The following ANKRD52 variants were observed in gnomAD, a reference collection of about 807,000 sequenced individuals.
The protein encoded by ANKRD52 is ankyrin repeat domain 52.
In ANKRD52, 7 loss-of-function variants were observed where a neutral mutation model predicts 116.0. The ratio of observed to expected loss-of-function variants is 0.06; its 90% CI spans 0.03 to 0.11. The LOEUF is 0.11. Among genes scored for constraint, ANKRD52 ranks in the 10% least tolerant of loss-of-function variants. ANKRD52 has a pLI of 1.00. For synonymous variants in ANKRD52, 528 were observed against 578.1 expected (o/e 0.91, Z 1.24); for missense variants, 839 against 1,408.6 (o/e 0.60, Z 6.47).
At chr12:56,251,202 A>G (rs1871675861) in intron 15 of ANKRD52, among the ~76,000 whole-genome samples, 1 of 151,870 alleles carries the variant, frequency 6.6e-6, no homozygotes. Flanking sequence ...CGGCCTCCCA[A>G]AGTGCTGGGA....
At chr12:56,251,305 C>T (rs1043586598) in intron 15 of ANKRD52, among the ~76,000 whole-genome samples, 3 of 145,812 alleles carry the variant, frequency 2.1e-5, no homozygotes, top group African/African-American at 5.1e-5. Context: ...AGTGCAGTGG[C>T]GTGATCTCGG....
rs192913034 is a variant in ANKRD52 at position 56,250,728 on chromosome 12, A to G, written c.1592+1287T>C. 3.8e-4 allele frequency among the ~76,000 whole-genome samples: 56 copies of G among 149,246 alleles called. No individual in the cohort carries two copies. In the East Asian group the frequency reaches 0.011, roughly 29 times the overall value. The stretch of plus-strand genomic sequence containing the variant: ...GAGAGATCCCTGACCTACAAAATAA[A>G]TTAATTAAAAAAAAAAAAAAAGAAA... On this transcript the variant is annotated intron_variant, in intron 15 of 27. Coordinates refer to ENST00000267116, the MANE Select transcript of ANKRD52 (RefSeq NM_173595.4).
At chr12:56,257,474 T>G in intron 2 of ANKRD52, 113 bp from the exon 3 acceptor site, 1 of 989,022 alleles carries the variant, frequency 1.0e-6, no homozygotes, top group Non-Finnish European at 1.5e-6. Flanking sequence ...TCCCATAGTT[T>G]CTGCAGCGTC....
In ANKRD52 at chr12:56,255,663, G is replaced by GT. The variant is rs550933117; in HGVS notation, c.462+120dup. The GT allele has an allele frequency of 5.0e-3, 4,406 of 880,792 alleles. 201 individuals are homozygous for GT. The South Asian group carries it at 0.074, about 15-fold the overall frequency. 54.6% of individuals were successfully genotyped at this position (880,792 alleles called of 1,614,324 possible). A position where few individuals can be genotyped will look rare whatever the true frequency, so the allele number is the denominator to read the frequency against. On this transcript the variant is annotated intron_variant, in intron 5 of 27. Transcript: ENST00000267116. The surrounding 1 kb of genome is among the most constrained non-coding windows in gnomAD (Gnocchi z 4.3). Reference sequence around the variant, plus strand: ...ATTCATTTAGTGCTTCAGCTTAAGTGTTTATATAACCATCCGGGCTGCTTC... The same window carrying GT: ...ATTCATTTAGTGCTTCAGCTTAAGTGTTTTATATAACCATCCGGGCTGCTTC...
chr12:56,248,669 C>T lies in ANKRD52; in HGVS notation c.1704+90G>A. On this transcript the variant is annotated intron_variant, in intron 16 of 27. Transcript: ENST00000267116. The surrounding 1 kb of genome is among the most constrained non-coding windows in gnomAD (Gnocchi z 5.1). The stretch of plus-strand genomic sequence containing the variant: ...CCCACTAAGCCTCTGGATCCAAAGA[C>T]CACATTTGATTGAACCCTTAGTTTT... 6.7e-7 allele frequency: 1 copy of T among 1,487,820 alleles called. No homozygotes were observed. Among genetic ancestry groups the T allele is most frequent in the South Asian group, 1.2e-5 (1 of 83,264 alleles). 92.2% of individuals were successfully genotyped at this position (1,487,820 alleles called of 1,614,324 possible). A position where few individuals can be genotyped will look rare whatever the true frequency, so the allele number is the denominator to read the frequency against.
Position 56,244,509 on chromosome 12 carries a change from T to C in ANKRD52, c.2723-74A>G. 1.3e-6 allele frequency: 2 copies of C among 1,597,540 alleles called. No homozygotes were observed. The highest frequency in any genetic ancestry group is 1.7e-6 in the Non-Finnish European group (2 of 1,168,034). ...AGCCATCCTGGCTCTCCACTTTGCATCCCGTCTGCAGATGGCGAGACATCC... is the reference window on the plus strand; with the variant it reads ...AGCCATCCTGGCTCTCCACTTTGCACCCCGTCTGCAGATGGCGAGACATCC... On this transcript the variant is annotated intron_variant, in intron 24 of 27. Transcript: ENST00000267116. The surrounding 1 kb of genome is among the most constrained non-coding windows in gnomAD (Gnocchi z 4.9).
chr12:56,254,777 C>A lies in ANKRD52; in HGVS notation c.551-57G>T. ...AGAAGGTAAACTCTAAGACCCTACA[C>A]TCCTCTCTTCAAAGGCTGCAACCCC... On this transcript the variant is annotated intron_variant, in intron 6 of 27. Transcript: ENST00000267116. The surrounding 1 kb of genome is among the most constrained non-coding windows in gnomAD (Gnocchi z 4.6). 6.3e-7 allele frequency: 1 copy of A among 1,599,344 alleles called. No homozygotes were observed.
Position 56,248,653 on chromosome 12 carries a change from C to G in ANKRD52, c.1705-87G>C. ...CCGACTCGCAGTAATCCCCACTAAG[C>G]CTCTGGATCCAAAGACCACATTTGA... On this transcript the variant is annotated intron_variant, in intron 16 of 27. Coordinates refer to ENST00000267116, the MANE Select transcript of ANKRD52 (RefSeq NM_173595.4). The surrounding 1 kb of genome is among the most constrained non-coding windows in gnomAD (Gnocchi z 5.1). 6.7e-7 allele frequency: 1 copy of G among 1,487,990 alleles called. No individual in the cohort carries two copies. Among genetic ancestry groups the G allele is most frequent in the Non-Finnish European group, 9.2e-7 (1 of 1,087,972 alleles). The allele number at this position is 1,487,990 out of a possible 1,614,324, so 92.2% of individuals were successfully genotyped here.
In ANKRD52 at chr12:56,244,677, A is replaced by G; in HGVS notation, c.2697T>C (p.Ala899=). ...CCACAGCAGCGGTCTGCCCGTTCTC[A>G]GCCGCCGTCATGAGCGCAGTGCGGC... is the stretch of plus-strand genomic sequence containing the variant. ...HTGRTALMTA[A]ENGQTAAVEF... Residue 899 remains alanine (A), a synonymous_variant, in exon 24 of 28, where the codon GCT becomes GCC. Transcript: ENST00000267116. The surrounding 1 kb of genome is among the most constrained non-coding windows in gnomAD (Gnocchi z 4.9). The G allele has an allele frequency of 6.2e-7, 1 of 1,613,922 alleles. No individual in the cohort carries two copies. Among genetic ancestry groups the G allele is most frequent in the South Asian group, 1.1e-5 (1 of 91,088 alleles).
chr12:56,256,983 T>C, intron 4 of ANKRD52, 32 bp downstream of exon 4: 1 of 1,597,196 alleles, frequency 6.3e-7, no homozygotes, highest in South Asian at 1.1e-5. Flanking sequence ...CTTATCCTTT[T>C]TGAAAGGGTA....
At chr12:56,247,371 GA>G in intron 20 of ANKRD52, 121 bp downstream of exon 20, 1 of 655,710 alleles carries the variant, frequency 1.5e-6, no homozygotes, top group Non-Finnish European at 2.5e-6. Context: ...AAAAGAAAAA[GA>G]AAAAAGACGG....
In ANKRD52 at chr12:56,255,483, C is replaced by T. The variant is rs1376685445; in HGVS notation, c.462+301G>A. The stretch of plus-strand genomic sequence containing the variant: ...GGGATTACAGGCGTGAGCCGCCGTG[C>T]CCGGCCGGTTCTTAAACTCTTGTAA... On this transcript the variant is annotated intron_variant, in intron 5 of 27. Transcript: ENST00000267116. This position sits in a 1 kb window ranked among gnomAD's most constrained non-coding sequence, Gnocchi z 4.3. 1.3e-5 allele frequency among the ~76,000 whole-genome samples: 2 copies of T among 152,254 alleles called. No individual in the cohort carries two copies. Among genetic ancestry groups the T allele is most frequent in the Non-Finnish European group, 2.9e-5 (2 of 68,042 alleles).
chr12:56,244,001 A>T lies in ANKRD52; in HGVS notation c.2888+50T>A. On this transcript the variant is annotated intron_variant, in intron 26 of 27. Coordinates refer to ENST00000267116, the MANE Select transcript of ANKRD52 (RefSeq NM_173595.4). This position sits in a 1 kb window ranked among gnomAD's most constrained non-coding sequence, Gnocchi z 4.9. ...GCCTCTGAACAGCGGCCACTCTTTC[A>T]TCACCCACTGGCCTCCCCCAGCCAG... 1 of 1,609,136 alleles carries T rather than the reference A, an allele frequency of 6.2e-7. No individual in the cohort carries two copies.
Position 56,254,142 on chromosome 12 carries a change from A to G in ANKRD52, c.831T>C (p.His277=). Residue 277 remains histidine, a synonymous_variant, in exon 8 of 28, where the codon CAT becomes CAC. Coordinates refer to ENST00000267116, the MANE Select transcript of ANKRD52 (RefSeq NM_173595.4). The surrounding 1 kb of genome is among the most constrained non-coding windows in gnomAD (Gnocchi z 4.6). ...CGCCATTGGTGGAGACTGCAGCCACATGCAGTGGCGTGAAGCCCTTGTCAT... is the reference window on the plus strand; with the variant it reads ...CGCCATTGGTGGAGACTGCAGCCACGTGCAGTGGCGTGAAGCCCTTGTCAT... ...QPNDKGFTPL[H]VAAVSTNGAL... is the part of the protein sequence containing the mutation. 6.2e-7 allele frequency: 1 copy of G among 1,613,886 alleles called. No individual in the cohort carries two copies. Among genetic ancestry groups the G allele is most frequent in the Non-Finnish European group, 8.5e-7 (1 of 1,179,830 alleles).
At chr12:56,257,138 G>T (rs1005339373) in intron 3 of ANKRD52, 53 bp from the exon 4 acceptor site, 10 of 1,587,094 alleles carry the variant, frequency 6.3e-6, no homozygotes, top group African/African-American at 2.7e-5. Flanking sequence ...AGGTATGAAG[G>T]AAGCCAGTAA....
rs766458362 is a variant in ANKRD52, at chr12:56,252,364, G to A, written c.1371-49C>T. ...GGGGAAGAGAATCAGAGACAGATAC[G>A]AATGCAATCAGATGTGCAGCCAAAT... is the stretch of plus-strand genomic sequence containing the variant. On this transcript the variant is annotated intron_variant, in intron 13 of 27. Coordinates refer to ENST00000267116, the MANE Select transcript of ANKRD52 (RefSeq NM_173595.4). This position sits in a 1 kb window ranked among gnomAD's most constrained non-coding sequence, Gnocchi z 4.7. The A allele has an allele frequency of 4.4e-6, 7 of 1,608,982 alleles. No homozygotes were observed. The highest frequency in any genetic ancestry group is 2.2e-5 in the East Asian group (1 of 44,836).
At position 56,245,007 on chromosome 12, in the gene ANKRD52, A is replaced by T. The variant is rs1433474806; in HGVS notation, c.2493-18T>A. 1.2e-5 allele frequency: 20 copies of T among 1,613,468 alleles called. No individual in the cohort carries two copies. Among genetic ancestry groups the T allele is most frequent in the Non-Finnish European group, 1.7e-5 (20 of 1,179,620 alleles). On this transcript the variant is annotated intron_variant, in intron 22 of 27. Coordinates refer to ENST00000267116, the MANE Select transcript of ANKRD52 (RefSeq NM_173595.4). ...TATTAATCCTAGAGGAAGAGGGAGG[A>T]GGGGTCATCAGGAAGGACAAGGGAA...
chr12:56,257,835 T>C lies in ANKRD52; in HGVS notation c.104A>G (p.Asn35Ser), dbSNP rs757105171. The C allele has an allele frequency of 4.2e-5, 68 of 1,613,490 alleles. No individual in the cohort carries two copies. The highest frequency in any genetic ancestry group is 1.6e-4 in the Middle Eastern group (1 of 6,082). ...TCCCTGCTCCCAACTCACCAGCACATTGATGTTCTCCTTCTGCGAGAGTAG... is the reference window on the plus strand; with the variant it reads ...TCCCTGCTCCCAACTCACCAGCACACTGATGTTCTCCTTCTGCGAGAGTAG... ...RSLLSQKENI[N>S]VLDQERRTPL... Residue 35 changes from asparagine (N) to serine (S), a missense_variant, in exon 2 of 28, where the codon AAT becomes AGT. By Grantham distance (46) the Asn-to-Ser change is conservative. Around this residue, in one of 2 missense-constraint regions of ANKRD52, gnomAD observed 287 missense variants for 598.1 expected, o/e 0.48. Coordinates refer to ENST00000267116, the MANE Select transcript of ANKRD52 (RefSeq NM_173595.4).
chr12:56,247,283 C>T (rs1216550087), intron 20 of ANKRD52, among the ~76,000 whole-genome samples: 1 of 148,878 alleles, frequency 6.7e-6, no homozygotes, highest in Admixed American at 6.7e-5. Flanking sequence ...GAAGTCAAGG[C>T]TGCAGTGAGC....
Sources: gnomAD v4.1 joint callset for allele counts (sites outside exome capture counted in the v4.1 genomes callset) on GRCh38, gnomAD v4.1.1 for gene constraint, gnomAD v4.1.1 regional missense constraint, Gnocchi (gnomAD v3.1) non-coding constraint, MANE v1.5 for transcripts, NCBI Gene and HGNC (gene_info 2026-07-23, HGNC 2026-07-21) for gene names.